SLC4A4: variants seen among roughly 807,000 people sequenced by gnomAD.
SLC4A4 encodes electrogenic sodium bicarbonate cotransporter 1.
Under a neutral mutation model 111.5 loss-of-function variants are expected in SLC4A4, and 27 were observed. The ratio of observed to expected loss-of-function variants is 0.24; its 90% CI spans 0.18 to 0.33. The LOEUF is 0.33. SLC4A4 is among the 10% of genes least tolerant of loss of function. The pLI is 1.00. For missense variants in SLC4A4, 909 were observed against 1,315.5 expected (o/e 0.69, Z 4.78); for synonymous variants, 443 against 463.4 (o/e 0.96, Z 0.57).
chr4:71,416,678 T>G (rs1721852204), intron 7 of SLC4A4, among the ~76,000 whole-genome samples: 1 of 151,948 alleles, frequency 6.6e-6, no homozygotes, highest in Non-Finnish European at 1.5e-5. Context: ...GATGATTGAT[T>G]TAAAACATTT....
At chr4:71,308,238 G>T (rs776408527) in intron 3 of SLC4A4, among the ~76,000 whole-genome samples, 2 of 152,136 alleles carry the variant, frequency 1.3e-5, no homozygotes, top group Admixed American at 6.5e-5. Flanking sequence ...CTAACACAGT[G>T]CCTAGTAGGG....
At chr4:71,499,337 G>A (rs1730695052) in intron 16 of SLC4A4, among the ~76,000 whole-genome samples, 1 of 152,074 alleles carries the variant, frequency 6.6e-6, no homozygotes, top group Admixed American at 6.6e-5. Flanking sequence ...CAATAATAAT[G>A]TAAACTATAT....
chr4:71,116,670 G>A (rs888749349), intron 2 of SLC4A4, among the ~76,000 whole-genome samples: 12 of 152,196 alleles, frequency 7.9e-5, no homozygotes, highest in Admixed American at 3.9e-4. Flanking sequence ...TTGGCCGGAC[G>A]TGGTGGCTCA....
intron 19 of SLC4A4, 80 bp from the exon 20 acceptor site, chr4:71,547,568 T>C: frequency 9.0e-7 from 1 of 1,115,412 alleles, no homozygotes; most frequent in Non-Finnish European, 1.4e-6. Context: ...TGTCAATGTG[T>C]AGTTTTTTTG....
chr4:71,220,349 A>G (rs1377693661), intron 1 of SLC4A4, among the ~76,000 whole-genome samples: 1 of 152,212 alleles, frequency 6.6e-6, no homozygotes, highest in Admixed American at 6.5e-5. Flanking sequence ...AGTGTAGTAT[A>G]AACGTAACTT....
At chr4:71,116,973 G>GTTTA (rs1216564144) in intron 2 of SLC4A4, among the ~76,000 whole-genome samples, 7 of 151,396 alleles carry the variant, frequency 4.6e-5, no homozygotes, top group South Asian at 2.1e-4. Flanking sequence ...TGTAAAAATT[G>GTTTA]TTTATTTATT....
chr4:71,078,080 C>G (rs1741893615), intron 1 of SLC4A4, among the ~76,000 whole-genome samples: 1 of 151,990 alleles, frequency 6.6e-6, no homozygotes, highest in African/African-American at 2.4e-5. Context: ...AAAATATATT[C>G]TGTGTAAAAA....
intron 8 of SLC4A4, 63 bp downstream of exon 8, chr4:71,440,836 C>A: frequency 6.5e-7 from 1 of 1,539,580 alleles, no homozygotes; most frequent in Non-Finnish European, 9.0e-7. Context: ...CCCATTCAGG[C>A]TGGAGAATCA....
At chr4:71,285,008 A>T (rs1467041863) in intron 3 of SLC4A4, among the ~76,000 whole-genome samples, 2 of 152,190 alleles carry the variant, frequency 1.3e-5, no homozygotes, top group Admixed American at 1.3e-4. Context: ...GGTGTCCTGT[A>T]GCAGTAGATT....
intron 1 of SLC4A4, among the ~76,000 whole-genome samples, chr4:71,233,756 C>T (rs189855961): frequency 2.6e-5 from 4 of 152,242 alleles, no homozygotes; most frequent in Non-Finnish European, 1.5e-5. Context: ...CAACTTGTTT[C>T]TCCCATAGCC....
At chr4:71,160,398 C>T (rs1032889488) in intron 2 of SLC4A4, among the ~76,000 whole-genome samples, 2 of 151,664 alleles carry the variant, frequency 1.3e-5, no homozygotes, top group Admixed American at 6.6e-5. Flanking sequence ...TTTTGTTCAG[C>T]GCCATTTGGG....
intron 4 of SLC4A4, among the ~76,000 whole-genome samples, chr4:71,349,336 C>A: frequency 6.6e-6 from 1 of 152,142 alleles, no homozygotes; most frequent in East Asian, 1.9e-4. Flanking sequence ...TATGCATCAG[C>A]TGAGATATGT....
chr4:71,092,794 T>G lies in SLC4A4; in HGVS notation c.-2+2T>G, dbSNP rs994839433. Among the ~76,000 whole-genome samples the G allele has an allele frequency of 5.9e-5, 9 of 152,218 alleles. No individual in the cohort carries two copies. Among genetic ancestry groups the G allele is most frequent in the Non-Finnish European group, 1.2e-4 (8 of 68,034 alleles). ...CTGAGCACTGATGCTTGACCTATTG[T>G]AAGTAAGAAAGTCATATATGGGCCG... On this transcript the variant is annotated splice_donor_variant, in intron 2 of 26. Transcript: ENST00000649996. LOFTEE classifies it low-confidence loss of function (5UTR_SPLICE).
chr4:71,331,994 C>G (rs985372215), intron 3 of SLC4A4, among the ~76,000 whole-genome samples: 1 of 152,104 alleles, frequency 6.6e-6, no homozygotes, highest in African/African-American at 2.4e-5. Flanking sequence ...TGTAATGATC[C>G]TTTGAATTTC....
chr4:71,214,908 T>C (rs924281205), intron 1 of SLC4A4, among the ~76,000 whole-genome samples: 10 of 152,242 alleles, frequency 6.6e-5, no homozygotes, highest in African/African-American at 2.4e-4. Context: ...AGTAGCTTTA[T>C]GCATTATGCA....
intron 12 of SLC4A4, among the ~76,000 whole-genome samples, chr4:71,456,041 G>C (rs1031086925): frequency 2.6e-5 from 4 of 152,148 alleles, no homozygotes; most frequent in African/African-American, 9.7e-5. Context: ...AGTGCTTCAG[G>C]ATGTTAAGTA....
chr4:71,481,607 G>T (rs1419608680), intron 14 of SLC4A4, among the ~76,000 whole-genome samples: 1 of 151,700 alleles, frequency 6.6e-6, no homozygotes, highest in East Asian at 1.9e-4. Context: ...TCCATTATTG[G>T]AATGCTAAGC....
rs372552391 is a variant in SLC4A4, at chr4:71,296,140, C to T, written c.253+40741C>T. Among the ~76,000 whole-genome samples, 13 of 151,520 alleles carry T rather than the reference C, an allele frequency of 8.6e-5. No homozygotes were observed. In the East Asian group the frequency reaches 2.5e-3, roughly 29 times the overall value. ...TTTTTCATTTTCTTTCTTTTTATAC[C>T]TTATACAAATAAAATATGACTGTGT... is the stretch of plus-strand genomic sequence containing the variant. On this transcript the variant is annotated intron_variant, in intron 3 of 25. Coordinates refer to ENST00000264485, the MANE Select transcript of SLC4A4 (RefSeq NM_001098484.3).
intron 2 of SLC4A4, among the ~76,000 whole-genome samples, chr4:71,093,704 G>A (rs1742455052): frequency 1.3e-5 from 2 of 152,086 alleles, no homozygotes; most frequent in Admixed American, 6.6e-5. Flanking sequence ...AATGAGCGTG[G>A]AGATGCATTT....
Sources: gnomAD v4.1 joint callset for allele counts (sites outside exome capture counted in the v4.1 genomes callset) on GRCh38, gnomAD v4.1.1 for gene constraint, MANE v1.5 for transcripts, NCBI Gene and HGNC (gene_info 2026-07-23, HGNC 2026-07-21) for gene names.